Variants in KDM4B observed in about 807,000 individuals in gnomAD.
The protein encoded by KDM4B is lysine-specific demethylase 4B.
Under a neutral mutation model 125.2 loss-of-function variants are expected in KDM4B, and 32 were observed. The observed-to-expected ratio is 0.26, with a 90% CI of 0.19 to 0.34. The LOEUF is 0.34. Among genes scored for constraint, KDM4B ranks in the 10% least tolerant of loss-of-function variants. The pLI, the probability that KDM4B is intolerant of heterozygous loss-of-function variation, is 1.00. For missense variants in KDM4B, 1,190 were observed against 1,577.7 expected, an observed-to-expected ratio of 0.75 and a Z score of 4.16; for synonymous variants, 721 against 677.9, an observed-to-expected ratio of 1.06 and a Z score of -0.99.
chr19:5,058,277 G>A lies in KDM4B; in HGVS notation c.626+10608G>A, dbSNP rs118060455. On this transcript the variant is annotated intron_variant, in intron 6 of 22. Transcript: ENST00000159111. ...CTGCTCAGGGCCCAGCATGAGCTGC[G>A]TCAGGAGCAGAAGCCATTGGGAAGG... 1.8e-4 allele frequency among the ~76,000 whole-genome samples: 28 copies of A among 152,334 alleles called. No individual in the cohort carries two copies. In the East Asian group the frequency reaches 4.4e-3, roughly 24 times the overall value.
chr19:5,071,296 C>T (rs909128263), intron 7 of KDM4B, among the ~76,000 whole-genome samples: 1 of 152,270 alleles, frequency 6.6e-6, no homozygotes, highest in African/African-American at 2.4e-5. Context: ...ACAGAATGCC[C>T]AGACGCTCCT....
At chr19:4,992,656 C>T (rs2035066287) in intron 1 of KDM4B, among the ~76,000 whole-genome samples, 1 of 152,092 alleles carries the variant, frequency 6.6e-6, no homozygotes. Context: ...CACTATATTT[C>T]CCCAGGCTGG....
At chr19:4,987,106 C>T (rs1238244136) in intron 1 of KDM4B, among the ~76,000 whole-genome samples, 3 of 152,022 alleles carry the variant, frequency 2.0e-5, no homozygotes, top group Non-Finnish European at 2.9e-5. Flanking sequence ...TCACAGGCGC[C>T]CGCCACTACG....
intron 21 of KDM4B, 146 bp from the exon 22 acceptor site, chr19:5,150,212 C>T: frequency 1.6e-6 from 1 of 614,076 alleles, no homozygotes; most frequent in South Asian, 2.0e-5. Flanking sequence ...CAGAGGTGGA[C>T]ATGAGCTTCA....
chr19:5,118,249 C>G (rs967214718), intron 10 of KDM4B, among the ~76,000 whole-genome samples: 1 of 152,226 alleles, frequency 6.6e-6, no homozygotes, highest in African/African-American at 2.4e-5. Context: ...GTGTCCGAGT[C>G]TGAGCCCATG....
At position 5,091,590 on chromosome 19, in the gene KDM4B, G is replaced by T. The variant is rs144567771; in HGVS notation, c.918+9086G>T. The stretch of plus-strand genomic sequence containing the variant: ...GCCTCTCCTAAAACCCCAGCCCTGG[G>T]GTGTACTGAACTTAATTACTGTAAA... On this transcript the variant is annotated intron_variant, in intron 9 of 22. Transcript: ENST00000159111. Among the ~76,000 whole-genome samples the T allele has an allele frequency of 1.8e-4, 27 of 152,272 alleles. No individual in the cohort carries two copies. The East Asian group carries it at 5.2e-3, about 30-fold the overall frequency.
At chr19:5,015,804 T>G (rs2035875003) in intron 1 of KDM4B, among the ~76,000 whole-genome samples, 1 of 152,276 alleles carries the variant, frequency 6.6e-6, no homozygotes. Flanking sequence ...ACGCCTGGGC[T>G]GTGCCTTGGC....
intron 9 of KDM4B, among the ~76,000 whole-genome samples, chr19:5,105,790 G>A (rs1203168458): frequency 2.0e-5 from 3 of 152,170 alleles, no homozygotes; most frequent in East Asian, 1.9e-4. Flanking sequence ...TTTACAGGCC[G>A]TGCATTCCCC....
chr19:5,128,703 C>T (rs1012608669), intron 11 of KDM4B, among the ~76,000 whole-genome samples: 7 of 152,104 alleles, frequency 4.6e-5, no homozygotes, highest in Non-Finnish European at 7.4e-5. Context: ...TGCATCTCCA[C>T]GCCTCTGCTC....
At chr19:5,039,628 C>G (rs1012538153) in intron 3 of KDM4B, among the ~76,000 whole-genome samples, 3 of 152,164 alleles carry the variant, frequency 2.0e-5, no homozygotes, top group Non-Finnish European at 2.9e-5. Context: ...GAGGATGGCT[C>G]TGCCCTAGCA....
intron 2 of KDM4B, among the ~76,000 whole-genome samples, chr19:5,019,939 TGCA>T (rs2145552381): frequency 6.8e-6 from 1 of 146,862 alleles, no homozygotes; most frequent in East Asian, 2.1e-4. Context: ...GGTGTTGGTG[TGCA>T]GGTGTTAGTG....
chr19:5,109,241 A>G (rs2039092056), intron 9 of KDM4B, among the ~76,000 whole-genome samples: 2 of 152,034 alleles, frequency 1.3e-5, no homozygotes, highest in Admixed American at 1.3e-4. Flanking sequence ...TCTCAGCCTC[A>G]TCCCAGTAGG....
intron 2 of KDM4B, among the ~76,000 whole-genome samples, chr19:5,023,886 C>T (rs2036200595): frequency 6.7e-6 from 1 of 150,022 alleles, no homozygotes; most frequent in East Asian, 2.0e-4. Flanking sequence ...GCCTCAGCCT[C>T]TAAGTAGCTG....
intron 11 of KDM4B, among the ~76,000 whole-genome samples, chr19:5,124,202 C>T (rs1242369896): frequency 1.3e-5 from 2 of 152,006 alleles, no homozygotes; most frequent in East Asian, 1.9e-4. Context: ...CAAGCCCACC[C>T]GTTAACTGCC....
intron 9 of KDM4B, among the ~76,000 whole-genome samples, chr19:5,090,463 CCTCTTTCTCTCCCCCCCT>C (rs1324730658): frequency 8.6e-5 from 4 of 46,484 alleles, no homozygotes; most frequent in Admixed American, 2.0e-4. Context: ...TCTCTCTCCG[CCTCTTTCTCTCCCCCCCT>C]CTCTTTCTCT....
intron 9 of KDM4B, among the ~76,000 whole-genome samples, chr19:5,103,556 C>T (rs73546209): frequency 7.2e-5 from 11 of 152,128 alleles, no homozygotes; most frequent in Non-Finnish European, 1.5e-4. Flanking sequence ...CACCAGCTGA[C>T]GGGCCAGCCA....
chr19:5,072,874 G>T (rs974390710), intron 7 of KDM4B, among the ~76,000 whole-genome samples: 2 of 152,104 alleles, frequency 1.3e-5, no homozygotes, highest in Non-Finnish European at 2.9e-5. Context: ...GAGGCCGCCC[G>T]CATTCCTTGG....
chr19:5,135,606 G>A lies in KDM4B; in HGVS notation c.2308+45G>A, dbSNP rs201227735. On this transcript the variant is annotated intron_variant, in intron 15 of 22. Transcript: ENST00000159111. ...CCAGAGGAGCTGCGCCCTCCTTCAG[G>A]GTGTTGGTGGGGGTGCCGGTGGGGG... is the stretch of plus-strand genomic sequence containing the variant. 74 of 1,485,670 alleles carry A rather than the reference G, an allele frequency of 5.0e-5. No individual in the cohort carries two copies. In the East Asian group the frequency reaches 1.6e-3, roughly 32 times the overall value. 92.0% of individuals were successfully genotyped at this position (1,485,670 alleles called of 1,614,324 possible).
chr19:5,101,154 A>G (rs994478629), intron 9 of KDM4B, among the ~76,000 whole-genome samples: 2 of 150,012 alleles, frequency 1.3e-5, no homozygotes, highest in African/African-American at 4.9e-5. Flanking sequence ...CCCAGGAGGC[A>G]GAAGTTGCAG....
Sources: allele counts gnomAD v4.1 joint callset (sites outside exome capture counted in the v4.1 genomes callset), GRCh38; gene constraint gnomAD v4.1.1; transcripts MANE v1.5; gene names NCBI Gene and HGNC (gene_info 2026-07-23, HGNC 2026-07-21).